Variants in TGM7 observed in about 807,000 individuals in gnomAD.
TGM7 encodes transglutaminase 7.
In TGM7, 74 loss-of-function variants were observed where a neutral mutation model predicts 79.5. The ratio of observed to expected loss-of-function variants is 0.93; its 90% CI spans 0.77 to 1.13. The LOEUF (loss-of-function observed/expected upper bound fraction) is 1.13, where lower values mean the gene tolerates loss of function less well. TGM7 is among the 50% of genes most tolerant of loss of function. The pLI is 0.00. For missense variants in TGM7, 912 were observed against 905.9 expected (o/e 1.01, Z -0.09); for synonymous variants, 354 against 362.5 (o/e 0.98, Z 0.27).
At chr15:43,278,719 A>T (rs910011193) in intron 11 of TGM7, among the ~76,000 whole-genome samples, 4 of 152,216 alleles carry the variant, frequency 2.6e-5, no homozygotes, top group Admixed American at 2.6e-4. Flanking sequence ...CTCCCAAAGC[A>T]CTGGGATTAC....
rs2042893397 is a variant in TGM7, at chr15:43,279,223, T to C, written c.1733A>G (p.Asp578Gly). The change falls in exon 11 of 13, where the codon GAC becomes GGC. Residue 578 changes from aspartate (D) to glycine (G), a missense_variant. Asp to Gly is a moderately conservative substitution (Grantham distance 94, BLOSUM62 -1). Coordinates refer to ENST00000452443, the MANE Select transcript of TGM7 (RefSeq NM_052955.3). The part of the protein sequence containing the change: ...PYSNYRNKLT[D>G]EKLIRVSGIA... ...GCCAGACACGCGGATGAGCTTTTCG[T>C]CCGTTAGCTTGTTTCTGTAATTGCT... 1 of 1,614,084 alleles carries C rather than the reference T, an allele frequency of 6.2e-7. No individual in the cohort carries two copies. The highest frequency in any genetic ancestry group is 1.7e-5 in the Admixed American group (1 of 60,002).
At chr15:43,289,022 T>G (rs1426845411) in intron 4 of TGM7, among the ~76,000 whole-genome samples, 5 of 150,948 alleles carry the variant, frequency 3.3e-5, no homozygotes, top group African/African-American at 9.7e-5. Flanking sequence ...AAAAACCAAA[T>G]AGTAAATATT....
At chr15:43,282,704 A>G (rs1456830101) in intron 7 of TGM7, 84 bp from the exon 8 acceptor site, 1 of 1,062,558 alleles carries the variant, frequency 9.4e-7, no homozygotes, top group Non-Finnish European at 1.4e-6. Context: ...GATTTATATC[A>G]TTGTTTCTTT....
In TGM7 at chr15:43,282,029, A is replaced by G. The variant is rs1290310615; in HGVS notation, c.1166T>C (p.Leu389Pro). The change falls in exon 9 of 13, where the codon CTG becomes CCG. Residue 389 changes from leucine (L) to proline (P), a missense_variant. Physicochemically the swap from Leu to Pro is moderately conservative, Grantham distance 98. Coordinates refer to ENST00000452443, the MANE Select transcript of TGM7 (RefSeq NM_052955.3). ...VKAIREGDVHLAYDTPFVYAE... is the reference protein window; with the variant it reads ...VKAIREGDVHPAYDTPFVYAE... ...ATACACAAAAGGGGTGTCATAGGCC[A>G]GGTGGACATCCCCTTCCCTGATGGC... The G allele has an allele frequency of 3.7e-6, 6 of 1,614,066 alleles. No homozygotes were observed. The highest frequency in any genetic ancestry group is 1.7e-5 in the Admixed American group (1 of 59,998).
chr15:43,285,450 C>T (rs900026784), intron 6 of TGM7, among the ~76,000 whole-genome samples: 3 of 152,072 alleles, frequency 2.0e-5, no homozygotes, highest in Non-Finnish European at 4.4e-5. Context: ...AATTTAGTTC[C>T]GAAATGTTTT....
chr15:43,281,819 C>G, intron 9 of TGM7, 25 bp downstream of exon 9: 1 of 1,609,446 alleles, frequency 6.2e-7, no homozygotes. Context: ...TAAAGCAGCC[C>G]TTTCCCCAAA....
At position 43,276,386 on chromosome 15, in the gene TGM7, G is replaced by A; in HGVS notation, c.*69C>T. 7 of 1,540,972 alleles carry A rather than the reference G, an allele frequency of 4.5e-6. No homozygotes were observed. Among genetic ancestry groups the A allele is most frequent in the African/African-American group, 2.7e-5 (2 of 72,952 alleles). ...GAGAGGACAGAGGTGGAGCCAAGAC[G>A]ACATAGCCAGGAGTAGAAAGGAGCC... On this transcript the variant is annotated 3_prime_UTR_variant, in exon 13 of 13. Coordinates refer to ENST00000452443, the MANE Select transcript of TGM7 (RefSeq NM_052955.3).
At chr15:43,297,786 C>T (rs187551527) in intron 1 of TGM7, among the ~76,000 whole-genome samples, 13 of 152,294 alleles carry the variant, frequency 8.5e-5, no homozygotes, top group Admixed American at 7.8e-4. Context: ...CAGCAGTAAC[C>T]ACTGCACAGG....
chr15:43,277,615 T>C (rs1182633369), intron 11 of TGM7, among the ~76,000 whole-genome samples: 1 of 152,212 alleles, frequency 6.6e-6, no homozygotes, highest in South Asian at 2.1e-4. Flanking sequence ...TGCTCAGTGC[T>C]GTGTCACGGG....
In TGM7 at chr15:43,282,624, C is replaced by T. The variant is rs1345791493; in HGVS notation, c.1005-4G>A. ...CTCATTCCAGACGTGGAAGTTCCTG[C>T]AGGAGGGAGTAAGGAGACAAGGATT... On this transcript the variant is annotated splice_region_variant and splice_polypyrimidine_tract_variant and intron_variant, in intron 7 of 12. Transcript: ENST00000452443. 3.1e-6 allele frequency: 5 copies of T among 1,587,388 alleles called. No individual in the cohort carries two copies. Among genetic ancestry groups the T allele is most frequent in the East Asian group, 2.3e-5 (1 of 44,282 alleles).
chr15:43,283,009 C>G (rs1005014509), intron 7 of TGM7, among the ~76,000 whole-genome samples: 1 of 152,118 alleles, frequency 6.6e-6, no homozygotes, highest in Non-Finnish European at 1.5e-5. Flanking sequence ...AAGATGGCAC[C>G]GCTGCACTCC....
chr15:43,297,636 A>AGAAAGAAC (rs1555386114), intron 1 of TGM7, among the ~76,000 whole-genome samples: 49 of 34,072 alleles, frequency 1.4e-3, no homozygotes, highest in African/African-American at 4.7e-3. Flanking sequence ...AAAGAAAGAA[A>AGAAAGAAC]AAGAAAGAAA....
intron 2 of TGM7, 24 bp from the exon 3 acceptor site, chr15:43,292,978 CA>C: frequency 3.7e-6 from 6 of 1,609,230 alleles, no homozygotes; most frequent in Non-Finnish European, 4.2e-6. Flanking sequence ...AATGACCCCA[CA>C]GTGAGGCTCA....
At chr15:43,289,700 T>C (rs2042954896) in intron 4 of TGM7, among the ~76,000 whole-genome samples, 1 of 152,220 alleles carries the variant, frequency 6.6e-6, no homozygotes, top group Non-Finnish European at 1.5e-5. Flanking sequence ...AGTGTTCCGA[T>C]TTCTCCACAT....
At chr15:43,298,483 G>A (rs760069064) in intron 1 of TGM7, among the ~76,000 whole-genome samples, 7 of 152,196 alleles carry the variant, frequency 4.6e-5, no homozygotes, top group East Asian at 1.9e-4. Flanking sequence ...ACGGCCAGGC[G>A]CGGTGGCTCA....
intron 7 of TGM7, 80 bp downstream of exon 7, chr15:43,284,733 TC>T: frequency 3.9e-6 from 6 of 1,531,324 alleles, no homozygotes; most frequent in Non-Finnish European, 5.4e-6. Flanking sequence ...CAATATTTCC[TC>T]AAGAGCCAGA....
chr15:43,288,779 A>C (rs2042949853), intron 4 of TGM7, among the ~76,000 whole-genome samples: 1 of 152,062 alleles, frequency 6.6e-6, no homozygotes, highest in African/African-American at 2.4e-5. Flanking sequence ...AAAATACAAA[A>C]ATTAGCCGGG....
chr15:43,292,076 C>T lies in TGM7; in HGVS notation c.461G>A (p.Ser154Asn), dbSNP rs777552060. ...WSPEDDVYLP[S>N]EILLQEYIMR... ...GATATACTCCTGCAGCAGTATTTCACTTGGCAGGTAGACGTCGTCCTCTGA... is the reference window on the plus strand; with the variant it reads ...GATATACTCCTGCAGCAGTATTTCATTTGGCAGGTAGACGTCGTCCTCTGA... The change falls in exon 4 of 13, where the codon AGT (serine) becomes AAT (asparagine). Residue 154 changes from serine (S) to asparagine (N), a missense_variant. Ser to Asn is a conservative substitution (Grantham distance 46). Transcript: ENST00000452443. 1.2e-6 allele frequency: 2 copies of T among 1,613,838 alleles called. No individual in the cohort carries two copies. The highest frequency in any genetic ancestry group is 1.7e-6 in the Non-Finnish European group (2 of 1,179,880).
chr15:43,302,218 G>C lies in TGM7; in HGVS notation c.10+23C>G, dbSNP rs1284878843. On this transcript the variant is annotated intron_variant, in intron 1 of 12. Coordinates refer to ENST00000452443, the MANE Select transcript of TGM7 (RefSeq NM_052955.3). ...CTCTTGACTTAGCACCTCCGAAAAG[G>C]TAAGTCGATTCCCAGTACTCACCCT... The C allele has an allele frequency of 3.1e-6, 5 of 1,614,076 alleles. No individual in the cohort carries two copies. The South Asian group carries it at 5.5e-5, about 18-fold the overall frequency.
Sources: gnomAD v4.1 joint callset for allele counts (sites outside exome capture counted in the v4.1 genomes callset) on GRCh38, gnomAD v4.1.1 for gene constraint, MANE v1.5 for transcripts, NCBI Gene and HGNC (gene_info 2026-07-23, HGNC 2026-07-21) for gene names.